Variants in EPHX3 observed in about 807,000 individuals in gnomAD.
EPHX3 encodes epoxide hydrolase 3.
Under a neutral mutation model 40.2 loss-of-function variants are expected in EPHX3, and 39 were observed. That is an observed-to-expected ratio of 0.97 (90% CI 0.75 to 1.27). The LOEUF (loss-of-function observed/expected upper bound fraction) is 1.27. EPHX3 is among the 50% of genes most tolerant of loss of function. The pLI is 0.00. For missense variants in EPHX3, 442 were observed against 474.0 expected (o/e 0.93, Z 0.63); for synonymous variants, 213 against 209.7 (o/e 1.02, Z -0.14).
upstream of EPHX3, among the ~76,000 whole-genome samples, chr19:15,234,607 T>C (rs1225951807): frequency 1.1e-4 from 17 of 152,190 alleles, 1 homozygote; most frequent in Admixed American, 9.8e-4. Context: ...TGACCTTTAT[T>C]TCTTGACTTA....
At position 15,232,135 on chromosome 19, in the gene EPHX3, CT is replaced by C. The variant is rs1455672506; in HGVS notation, c.76del (p.Ser26AlafsTer17). Reference protein sequence around the residue: ...SLKLLRAFMWSLVFSVALVAA... With the variant: ...SLKLLRAFMWXLVFSVALVAA... Reference sequence around the variant, plus strand: ...CACCAGCGCCACCGAGAACACCAGGCTCCACATGAAGGCGCGCAGCAGCTTC... The same window carrying C: ...CACCAGCGCCACCGAGAACACCAGGCCCACATGAAGGCGCGCAGCAGCTTC... On this transcript the variant is annotated frameshift_variant, in exon 1 of 7. Transcript: ENST00000221730. LOFTEE classifies it high-confidence loss of function. 3.2e-6 allele frequency: 5 copies of C among 1,539,912 alleles called. No homozygotes were observed. In the Admixed American group the frequency reaches 5.8e-5, roughly 18 times the overall value.
intron 4 of EPHX3, 33 bp downstream of exon 4, chr19:15,230,929 G>A (rs1224140973): frequency 6.2e-7 from 1 of 1,610,896 alleles, no homozygotes; most frequent in Non-Finnish European, 8.5e-7. Flanking sequence ...TTGCACATAA[G>A]TACATCCCAG....
chr19:15,227,716 C>T (rs757350629), intron 6 of EPHX3, 54 bp from the exon 7 acceptor site: 70 of 1,608,118 alleles, frequency 4.4e-5, no homozygotes, highest in South Asian at 4.0e-4. Context: ...ATGGTTGCCT[C>T]CCACCCCCCT....
chr19:15,232,072 A>G lies in EPHX3; in HGVS notation c.140T>C (p.Val47Ala). ...AVYGCIALTH[V>A]LCRPRRGCCG... ...GCAGCCGCGCCGGGGCCGGCACAGC[A>G]CGTGCGTGAGCGCTATGCAGCCGTA... Residue 47 changes from valine (V) to alanine (A), a missense_variant, in exon 1 of 7, where the codon GTG becomes GCG. Transcript: ENST00000221730. The G allele has an allele frequency of 6.4e-7, 1 of 1,571,446 alleles. No homozygotes were observed. The highest frequency in any genetic ancestry group is 8.6e-7 in the Non-Finnish European group (1 of 1,165,468).
upstream of EPHX3, chr19:15,232,544 C>A: frequency 1.3e-6 from 1 of 748,748 alleles, no homozygotes; most frequent in East Asian, 5.8e-5. Context: ...CGGGGCGGGG[C>A]CCAGGAAGAC....
chr19:15,231,959 G>A lies in EPHX3; in HGVS notation c.243+10C>T. 1 of 1,612,238 alleles carries A rather than the reference G, an allele frequency of 6.2e-7. No individual in the cohort carries two copies. The highest frequency in any genetic ancestry group is 8.5e-7 in the Non-Finnish European group (1 of 1,179,830). ...ACCCCGCAGCCCCGATAGCGCCCCC[G>A]TGCGATCACCTTGAGGTTCAGGAAA... On this transcript the variant is annotated intron_variant, in intron 1 of 6. Coordinates refer to ENST00000221730, the MANE Select transcript of EPHX3 (RefSeq NM_024794.3).
rs1296058792 is a variant in EPHX3, at chr19:15,231,102, C to T, written c.488-12G>A. On this transcript the variant is annotated splice_polypyrimidine_tract_variant and intron_variant, in intron 3 of 6. Transcript: ENST00000221730. Reference sequence around the variant, plus strand: ...GCACTTCGAGTAACCTGTGGGAATTCAAGGAGCTCGCATAAGTGAGGTGCC... The same window carrying T: ...GCACTTCGAGTAACCTGTGGGAATTTAAGGAGCTCGCATAAGTGAGGTGCC... 1.9e-6 allele frequency: 3 copies of T among 1,613,764 alleles called. No individual in the cohort carries two copies. In the East Asian group the frequency reaches 6.7e-5, roughly 36 times the overall value.
At chr19:15,229,153 G>A (rs899169552) in intron 4 of EPHX3, among the ~76,000 whole-genome samples, 1 of 152,168 alleles carries the variant, frequency 6.6e-6, no homozygotes, top group Non-Finnish European at 1.5e-5. Flanking sequence ...GCCAAGGCGG[G>A]TGGATCACTT....
At chr19:15,227,946 T>C in intron 5 of EPHX3, 39 bp from the exon 6 acceptor site, 1 of 1,613,990 alleles carries the variant, frequency 6.2e-7, no homozygotes, top group South Asian at 1.1e-5. Flanking sequence ...GTGCCCAGCC[T>C]GCCCAGCCCC....
chr19:15,227,694 A>G (rs778200191), intron 6 of EPHX3, 32 bp from the exon 7 acceptor site: 10 of 1,611,832 alleles, frequency 6.2e-6, no homozygotes, highest in East Asian at 4.5e-5. Flanking sequence ...AGGCAGACAG[A>G]CAGGCAGAAG....
At chr19:15,230,910 C>T (rs2145483647) in intron 4 of EPHX3, 52 bp downstream of exon 4, 3 of 1,600,336 alleles carry the variant, frequency 1.9e-6, no homozygotes, top group South Asian at 1.1e-5. Flanking sequence ...GACACATGTC[C>T]CTGCCCCCTT....
intron 3 of EPHX3, 51 bp downstream of exon 3, chr19:15,231,188 C>G: frequency 6.2e-7 from 1 of 1,612,332 alleles, no homozygotes; most frequent in Non-Finnish European, 8.5e-7. Context: ...CGGGGGTATG[C>G]GTGTGTGCAG....
chr19:15,228,676 T>G (rs1428762411), intron 4 of EPHX3, among the ~76,000 whole-genome samples: 1 of 151,340 alleles, frequency 6.6e-6, no homozygotes, highest in Non-Finnish European at 1.5e-5. Context: ...CGCCACCACG[T>G]CCGGCTAATT....
upstream of EPHX3, chr19:15,235,600 A>G (rs1440534104): frequency 6.6e-6 from 1 of 152,194 alleles, no homozygotes; most frequent in Non-Finnish European, 1.5e-5. Context: ...ATGTAAGTGA[A>G]AAGTCTACGA....
Position 15,227,287 on chromosome 19 carries a change from G to A in EPHX3, c.*150C>T, listed in dbSNP as rs1009002022. 1.7e-5 allele frequency: 11 copies of A among 663,188 alleles called. No homozygotes were observed. Among genetic ancestry groups the A allele is most frequent in the East Asian group, 2.7e-5 (1 of 36,790 alleles). The allele number at this position is 663,188 out of a possible 1,614,324, so 41.1% of individuals were successfully genotyped here. A position where few individuals can be genotyped will look rare whatever the true frequency, so the allele number is the denominator to read the frequency against. ...TGTGTCCCGAGGCACCCATAGGTGC[G>A]CTTGTGTGGGATCCAGGAGTCCCAT... On this transcript the variant is annotated 3_prime_UTR_variant, in exon 7 of 7. Coordinates refer to ENST00000221730, the MANE Select transcript of EPHX3 (RefSeq NM_024794.3).
At chr19:15,234,903 A>G (rs1042185821), upstream of EPHX3, among the ~76,000 whole-genome samples, 2 of 152,240 alleles carry the variant, frequency 1.3e-5, no homozygotes, top group South Asian at 2.1e-4. Context: ...CTATGATTAC[A>G]TTGCCCATAG....
upstream of EPHX3, chr19:15,236,002 TCA>T (rs1173928878): frequency 1.3e-5 from 2 of 152,310 alleles, no homozygotes; most frequent in Non-Finnish European, 2.9e-5. Context: ...CCTAAATACG[TCA>T]CACTTGAAGT....
At chr19:15,229,640 C>A (rs1212121372) in intron 4 of EPHX3, among the ~76,000 whole-genome samples, 5 of 148,572 alleles carry the variant, frequency 3.4e-5, no homozygotes, top group African/African-American at 7.4e-5. Flanking sequence ...CACGCCTATA[C>A]TCCCAGCACT....
chr19:15,235,022 A>G (rs1380958352), upstream of EPHX3, among the ~76,000 whole-genome samples: 1 of 151,808 alleles, frequency 6.6e-6, no homozygotes, highest in African/African-American at 2.4e-5. Context: ...TTTTTTTGAG[A>G]TGGGAGTCTC....
Sources: gnomAD v4.1 joint callset for allele counts (sites outside exome capture counted in the v4.1 genomes callset) on GRCh38, gnomAD v4.1.1 for gene constraint, MANE v1.5 for transcripts, NCBI Gene and HGNC (gene_info 2026-07-23, HGNC 2026-07-21) for gene names.